Variants in NMNAT2 observed in about 807,000 individuals in gnomAD.
NMNAT2 encodes the protein nicotinamide/nicotinic acid mononucleotide adenylyltransferase 2.
In NMNAT2, 11 loss-of-function variants were observed where a neutral mutation model predicts 41.6. That is an observed-to-expected ratio of 0.26 (90% CI 0.17 to 0.44). The LOEUF (loss-of-function observed/expected upper bound fraction) is 0.44. Among genes scored for constraint, NMNAT2 ranks in the 20% least tolerant of loss-of-function variants. NMNAT2 has a pLI of 1.00. For missense variants in NMNAT2, 288 were observed against 407.7 expected (o/e 0.71, Z 2.53); for synonymous variants, 148 against 151.2 (o/e 0.98, Z 0.16).
intron 4 of NMNAT2, among the ~76,000 whole-genome samples, chr1:183,288,113 A>G (rs1661441946): frequency 6.6e-6 from 1 of 152,138 alleles, no homozygotes; most frequent in African/African-American, 2.4e-5. Flanking sequence ...CTGCATTTCT[A>G]TTTCCTGATT....
In NMNAT2 at chr1:183,283,937, C is replaced by T. The variant is rs374521341; in HGVS notation, c.574+58G>A. ...CCTCTCTGCTCCCCATGTTGCCTGT[C>T]GTGAAGGCAGGGAGCTCCAAATGTC... On this transcript the variant is annotated intron_variant, in intron 7 of 10. Coordinates refer to ENST00000287713, the MANE Select transcript of NMNAT2 (RefSeq NM_015039.4). 55 of 1,550,648 alleles carry T rather than the reference C, an allele frequency of 3.5e-5. No homozygotes were observed. The South Asian group carries it at 3.9e-4, about 11-fold the overall frequency.
At chr1:183,417,139 C>T (rs907754350) in intron 1 of NMNAT2, among the ~76,000 whole-genome samples, 2 of 152,214 alleles carry the variant, frequency 1.3e-5, no homozygotes, top group Non-Finnish European at 1.5e-5. Flanking sequence ...TCATGCCCCA[C>T]GCCTTTGAGT....
At chr1:183,252,827 C>A in intron 10 of NMNAT2, 84 bp from the exon 11 acceptor site, 1 of 974,566 alleles carries the variant, frequency 1.0e-6, no homozygotes, top group Non-Finnish European at 1.7e-6. Flanking sequence ...CTCCCCAGCA[C>A]CCCATTTGTA....
intron 1 of NMNAT2, among the ~76,000 whole-genome samples, chr1:183,352,562 CAAAAAAAAA>C (rs55706245): frequency 4.2e-4 from 33 of 79,164 alleles, no homozygotes; most frequent in Non-Finnish European, 5.1e-4. Flanking sequence ...CAGTCTGTCT[CAAAAAAAAA>C]AAAAAAAAAA....
intron 10 of NMNAT2, among the ~76,000 whole-genome samples, chr1:183,254,867 G>A (rs969533452): frequency 6.6e-5 from 10 of 152,138 alleles, no homozygotes; most frequent in African/African-American, 1.7e-4. Context: ...TCCCTAGGTT[G>A]CCTTTTCATT....
intron 1 of NMNAT2, among the ~76,000 whole-genome samples, chr1:183,404,587 A>G (rs1648903164): frequency 6.6e-6 from 1 of 152,174 alleles, no homozygotes; most frequent in Non-Finnish European, 1.5e-5. Flanking sequence ...GGGAAAGAGA[A>G]CTGAATGCTC....
At chr1:183,297,814 T>C (rs1259862562) in intron 1 of NMNAT2, among the ~76,000 whole-genome samples, 1 of 152,144 alleles carries the variant, frequency 6.6e-6, no homozygotes, top group Non-Finnish European at 1.5e-5. Context: ...CCTTAACAAA[T>C]GTTAGCAAAT....
intron 4 of NMNAT2, 109 bp downstream of exon 4, chr1:183,290,019 C>A: frequency 1.2e-6 from 1 of 801,778 alleles, no homozygotes; most frequent in East Asian, 2.8e-5. Context: ...GAAAGCAGGT[C>A]GATAGGCCAG....
chr1:183,288,322 C>T (rs541843359), intron 4 of NMNAT2, among the ~76,000 whole-genome samples: 120 of 152,292 alleles, frequency 7.9e-4, no homozygotes, highest in African/African-American at 2.8e-3. Context: ...TCTATCTCTG[C>T]GGCAGGTCTA....
intron 8 of NMNAT2, among the ~76,000 whole-genome samples, chr1:183,277,170 G>GA (rs1304764047): frequency 6.6e-6 from 1 of 152,104 alleles, no homozygotes; most frequent in Non-Finnish European, 1.5e-5. Context: ...TTCAGGGATG[G>GA]AAAAAACTGA....
At chr1:183,264,777 G>A (rs1237990191) in intron 8 of NMNAT2, among the ~76,000 whole-genome samples, 1 of 152,096 alleles carries the variant, frequency 6.6e-6, no homozygotes, top group Non-Finnish European at 1.5e-5. Context: ...CCCTCCAAGA[G>A]CTTAGCTGTC....
At chr1:183,352,162 T>TA (rs566872477) in intron 1 of NMNAT2, among the ~76,000 whole-genome samples, 5 of 151,986 alleles carry the variant, frequency 3.3e-5, no homozygotes, top group South Asian at 2.1e-4. Context: ...CTCTTCAAGA[T>TA]AAAAAAAGGC....
rs1661404920 is a variant in NMNAT2, at chr1:183,286,643, C to T, written c.448+19G>A. On this transcript the variant is annotated intron_variant, in intron 5 of 10. Transcript: ENST00000287713. ...ACATGATTCTGAGGTCTGAGAATCACACATCAGTGTTCCCCTACCTGCAGT... is the reference window on the plus strand; with the variant it reads ...ACATGATTCTGAGGTCTGAGAATCATACATCAGTGTTCCCCTACCTGCAGT... The T allele has an allele frequency of 6.3e-7, 1 of 1,592,746 alleles. No individual in the cohort carries two copies. The highest frequency in any genetic ancestry group is 8.6e-7 in the Non-Finnish European group (1 of 1,168,330).
intron 1 of NMNAT2, among the ~76,000 whole-genome samples, chr1:183,342,807 C>T (rs1662846474): frequency 6.6e-6 from 1 of 152,022 alleles, no homozygotes; most frequent in Non-Finnish European, 1.5e-5. Context: ...AATCACAGCT[C>T]ACTGCAGTCT....
chr1:183,411,890 T>C (rs1048103803), intron 1 of NMNAT2, among the ~76,000 whole-genome samples: 7 of 151,916 alleles, frequency 4.6e-5, no homozygotes, highest in Non-Finnish European at 7.4e-5. Context: ...AAGTGGACAA[T>C]GAGGAGAAGG....
chr1:183,296,442 T>G (rs1190209097), intron 1 of NMNAT2, among the ~76,000 whole-genome samples: 2 of 152,316 alleles, frequency 1.3e-5, no homozygotes, highest in Admixed American at 1.3e-4. Flanking sequence ...TGAGACTTTC[T>G]GTTGCTCCAA....
At chr1:183,256,428 T>A (rs28857799) in intron 10 of NMNAT2, among the ~76,000 whole-genome samples, 1 of 152,018 alleles carries the variant, frequency 6.6e-6, no homozygotes, top group Non-Finnish European at 1.5e-5. Flanking sequence ...AATAAAAAAA[T>A]TAAAAAATTT....
intron 1 of NMNAT2, among the ~76,000 whole-genome samples, chr1:183,348,663 G>T (rs1489031648): frequency 1.3e-5 from 2 of 152,156 alleles, no homozygotes; most frequent in Non-Finnish European, 2.9e-5. Context: ...ACAATAAGGG[G>T]CATTTCAAGT....
chr1:183,284,551 C>T lies in NMNAT2; in HGVS notation c.529+159G>A, dbSNP rs146384155. ...CTTCGATGTGCCCTTGTGTGTGCAA[C>T]GCCTGTGTGGGGGGATACGTTGTGC... On this transcript the variant is annotated intron_variant, in intron 6 of 10. Coordinates refer to ENST00000287713, the MANE Select transcript of NMNAT2 (RefSeq NM_015039.4). Among the ~76,000 whole-genome samples, 592 of 152,288 alleles carry T rather than the reference C, an allele frequency of 3.9e-3. 5 individuals are homozygous for T. Among genetic ancestry groups the T allele is most frequent in the African/African-American group, 0.013 (548 of 41,538 alleles).
Sources: gnomAD v4.1 joint callset for allele counts (sites outside exome capture counted in the v4.1 genomes callset) on GRCh38, gnomAD v4.1.1 for gene constraint, MANE v1.5 for transcripts, NCBI Gene and HGNC (gene_info 2026-07-23, HGNC 2026-07-21) for gene names.